NEK7: variants seen among roughly 807,000 people sequenced by gnomAD.
NEK7 encodes the protein NIMA related kinase 7.
Under a neutral mutation model 44.6 loss-of-function variants are expected in NEK7, and 18 were observed. The observed-to-expected ratio is 0.40, with a 90% CI of 0.28 to 0.60. The LOEUF is 0.60. NEK7 is among the 20% of genes least tolerant of loss of function. The pLI is 0.38. For missense variants in NEK7, 256 were observed against 366.5 expected, an observed-to-expected ratio of 0.70 and a Z score of 2.46; for synonymous variants, 130 against 121.1, an observed-to-expected ratio of 1.07 and a Z score of -0.48.
intron 1 of NEK7, among the ~76,000 whole-genome samples, chr1:198,216,693 A>G (rs1333246868): frequency 2.6e-5 from 4 of 152,088 alleles, no homozygotes; most frequent in Non-Finnish European, 5.9e-5. Context: ...CACTAGCTAG[A>G]TTAACCAAGA....
chr1:198,295,436 A>G (rs940002195), intron 8 of NEK7, among the ~76,000 whole-genome samples: 1 of 152,134 alleles, frequency 6.6e-6, no homozygotes, highest in Non-Finnish European at 1.5e-5. Context: ...AATTAGCCTG[A>G]AAAATTCAGC....
chr1:198,311,155 T>A (rs1208483541), intron 9 of NEK7, among the ~76,000 whole-genome samples: 2 of 147,980 alleles, frequency 1.4e-5, no homozygotes, highest in Admixed American at 1.4e-4. Context: ...GTCCTTCACA[T>A]CCCTTGTAAG....
chr1:198,258,072 C>A (rs545987861), intron 3 of NEK7, among the ~76,000 whole-genome samples: 1 of 152,232 alleles, frequency 6.6e-6, no homozygotes, highest in East Asian at 1.9e-4. Context: ...CAGCAAAGGC[C>A]TCTCCGAGGA....
At chr1:198,286,020 A>T (rs1654356050) in intron 7 of NEK7, among the ~76,000 whole-genome samples, 1 of 152,162 alleles carries the variant, frequency 6.6e-6, no homozygotes, top group African/African-American at 2.4e-5. Flanking sequence ...TCACTGGAGT[A>T]TTGATCCCTG....
At chr1:198,211,112 G>A (rs1571535583) in intron 1 of NEK7, among the ~76,000 whole-genome samples, 1 of 152,188 alleles carries the variant, frequency 6.6e-6, no homozygotes, top group African/African-American at 2.4e-5. Context: ...ATAAAGTTAA[G>A]ACAAAATTAC....
chr1:198,253,071 C>T lies in NEK7; in HGVS notation c.89C>T (p.Thr30Ile). The T allele has an allele frequency of 6.2e-7, 1 of 1,611,630 alleles. No homozygotes were observed. Among genetic ancestry groups the T allele is most frequent in the Non-Finnish European group, 8.5e-7 (1 of 1,178,262 alleles). ...KALRPDMGYNTLANFRIEKKI... is the reference protein window; with the variant it reads ...KALRPDMGYNILANFRIEKKI... ...TTACGACCGGATATGGGCTATAATA[C>T]ATTAGCCAACTTTCGAATAGAAAAG... The change falls in exon 3 of 10, where the codon ACA (threonine) becomes ATA (isoleucine). Residue 30 changes from threonine (T) to isoleucine (I), a missense_variant. By Grantham distance (89) the Thr-to-Ile change is moderately conservative. Around this residue, in one of 3 missense-constraint regions of NEK7, gnomAD observed 96 missense variants for 94.9 expected, o/e 1.01. Transcript: ENST00000367385.
intron 1 of NEK7, among the ~76,000 whole-genome samples, chr1:198,179,767 T>G (rs1664704346): frequency 6.6e-6 from 1 of 152,052 alleles, no homozygotes; most frequent in Non-Finnish European, 1.5e-5. Flanking sequence ...GCAGTCTTCC[T>G]GTTGCCAGGA....
chr1:198,183,980 C>T (rs1664842704), intron 1 of NEK7, among the ~76,000 whole-genome samples: 1 of 152,080 alleles, frequency 6.6e-6, no homozygotes, highest in Non-Finnish European at 1.5e-5. Context: ...TAGGTGCCTA[C>T]CCTGGGCTTA....
rs188161317 is a variant in NEK7 at position 198,172,122 on chromosome 1, C to T, written c.-29+14846C>T. On this transcript the variant is annotated intron_variant, in intron 1 of 9. Transcript: ENST00000367385. ...AAAAACAAAACAAAACAAACAAAAA[C>T]GAGTTAATGAATGAGCTGGAGAAGA... 8.5e-5 allele frequency among the ~76,000 whole-genome samples: 13 copies of T among 152,226 alleles called. No homozygotes were observed. The East Asian group carries it at 1.2e-3, about 14-fold the overall frequency.
chr1:198,314,449 A>C (rs1489892646), intron 9 of NEK7, among the ~76,000 whole-genome samples: 2 of 152,218 alleles, frequency 1.3e-5, no homozygotes, highest in Non-Finnish European at 2.9e-5. Flanking sequence ...AGTCATTGTC[A>C]GTCCAGCTTT....
chr1:198,244,440 C>T (rs377617088), intron 2 of NEK7, among the ~76,000 whole-genome samples: 36 of 152,164 alleles, frequency 2.4e-4, no homozygotes, highest in African/African-American at 8.7e-4. Context: ...TAATTTAGTC[C>T]TGGGAAGTTA....
At chr1:198,257,252 A>G (rs1653298373) in intron 3 of NEK7, among the ~76,000 whole-genome samples, 2 of 152,174 alleles carry the variant, frequency 1.3e-5, no homozygotes, top group Admixed American at 1.3e-4. Context: ...GTGATCTCAA[A>G]AAGTCTTCCC....
At chr1:198,167,216 G>A (rs930276292) in intron 1 of NEK7, among the ~76,000 whole-genome samples, 2 of 152,014 alleles carry the variant, frequency 1.3e-5, no homozygotes, top group African/African-American at 4.8e-5. Context: ...ATGTGTTTTC[G>A]CTTGTGTCTC....
In NEK7 at chr1:198,253,053, C is replaced by T. The variant is rs748447738; in HGVS notation, c.71C>T (p.Pro24Leu). 9 of 1,603,156 alleles carry T rather than the reference C, an allele frequency of 5.6e-6. No homozygotes were observed. The highest frequency in any genetic ancestry group is 2.2e-5 in the East Asian group (1 of 44,564). The change falls in exon 3 of 10, where the codon CCG becomes CTG. Residue 24 changes from proline (P) to leucine (L), a missense_variant. Around this residue, in one of 3 missense-constraint regions of NEK7, gnomAD observed 96 missense variants for 94.9 expected, o/e 1.01. Transcript: ENST00000367385. ...PQFQPQKALR[P>L]DMGYNTLANF... ...TTTTAATTACAGAAGGCCTTACGAC[C>T]GGATATGGGCTATAATACATTAGCC...
intron 9 of NEK7, among the ~76,000 whole-genome samples, chr1:198,314,784 G>A (rs1376988430): frequency 6.6e-6 from 1 of 152,188 alleles, no homozygotes; most frequent in Non-Finnish European, 1.5e-5. Flanking sequence ...GAGGCAGTCT[G>A]CCCGTTCTCA....
At chr1:198,261,158 A>G (rs1188029734) in intron 3 of NEK7, among the ~76,000 whole-genome samples, 1 of 151,948 alleles carries the variant, frequency 6.6e-6, no homozygotes, top group Non-Finnish European at 1.5e-5. Flanking sequence ...GCCACCCTAC[A>G]TGGAAGGAAT....
chr1:198,238,394 T>G (rs1470094799), intron 2 of NEK7, among the ~76,000 whole-genome samples: 1 of 152,286 alleles, frequency 6.6e-6, no homozygotes, highest in African/African-American at 2.4e-5. Flanking sequence ...GCTTATTCCA[T>G]TCAACTAAAG....
At chr1:198,228,624 G>A (rs1185195737) in intron 1 of NEK7, among the ~76,000 whole-genome samples, 3 of 152,026 alleles carry the variant, frequency 2.0e-5, no homozygotes, top group Admixed American at 2.0e-4. Context: ...TATTCTCTTT[G>A]AAGCAATTGT....
intron 9 of NEK7, among the ~76,000 whole-genome samples, chr1:198,307,446 G>C (rs1655049653): frequency 6.6e-6 from 1 of 152,102 alleles, no homozygotes; most frequent in Non-Finnish European, 1.5e-5. Flanking sequence ...TTAATTAAAG[G>C]ATAGAACTTA....
Sources: allele counts gnomAD v4.1 joint callset (sites outside exome capture counted in the v4.1 genomes callset), GRCh38; gene constraint gnomAD v4.1.1; regional missense constraint gnomAD v4.1.1; transcripts MANE v1.5; gene names NCBI Gene and HGNC (gene_info 2026-07-23, HGNC 2026-07-21).